LRP1B: variants seen among roughly 807,000 people sequenced by gnomAD.
The protein encoded by LRP1B is LDL receptor related protein 1B, also known as low-density lipoprotein receptor-related protein 1B.
LRP1B carries 217 observed loss-of-function variants against 556.6 expected under a neutral mutation model. The ratio of observed to expected loss-of-function variants is 0.39; its 90% CI spans 0.35 to 0.44. The LOEUF (loss-of-function observed/expected upper bound fraction) is 0.44. Ranked by LOEUF, LRP1B falls within the 20% of genes least tolerant of loss-of-function variation. The probability of loss-of-function intolerance (pLI) is 1.00; values close to 1 mark genes in which losing one functional copy is unlikely to be tolerated. For synonymous variants in LRP1B, 2,047 were observed against 1,865.8 expected (o/e 1.10, Z -2.50); for missense variants, 5,053 against 5,620.8 (o/e 0.90, Z 3.23).
Position 140,940,040 on chromosome 2 carries a change from T to C in LRP1B, c.3136+10195A>G, listed in dbSNP as rs1573902800. 2.6e-5 allele frequency among the ~76,000 whole-genome samples: 4 copies of C among 151,902 alleles called. 1 individual carries two copies. The highest frequency in any genetic ancestry group is 2.6e-4 in the Admixed American group (4 of 15,232). ...AGCTGAGACTACAGCTGTGCCACCA[T>C]AGCTAGCTAATTTTTGTATTTTTTG... is the stretch of plus-strand genomic sequence containing the variant. On this transcript the variant is annotated intron_variant, in intron 20 of 90. Coordinates refer to ENST00000389484, the MANE Select transcript of LRP1B (RefSeq NM_018557.3).
chr2:142,059,482 G>A (rs533296089), intron 1 of LRP1B, among the ~76,000 whole-genome samples: 53 of 152,072 alleles, frequency 3.5e-4, no homozygotes, highest in Admixed American at 9.2e-4. Flanking sequence ...TAGATGGTAC[G>A]GAGGGAATCT....
At chr2:140,817,169 T>G (rs1406722683) in intron 31 of LRP1B, among the ~76,000 whole-genome samples, 2 of 152,106 alleles carry the variant, frequency 1.3e-5, no homozygotes, top group African/African-American at 4.8e-5. Flanking sequence ...TGACTTAAAT[T>G]TGAAAATCTT....
At position 140,488,407 on chromosome 2, in the gene LRP1B, A is replaced by T. The variant is rs574148384; in HGVS notation, c.9121-668T>A. Among the ~76,000 whole-genome samples, 4 of 152,086 alleles carry T rather than the reference A, an allele frequency of 2.6e-5. No homozygotes were observed. In the East Asian group the frequency reaches 7.7e-4, roughly 29 times the overall value. On this transcript the variant is annotated intron_variant, in intron 57 of 90. Transcript: ENST00000389484. Reference sequence around the variant, plus strand: ...ATTCCACATGGTGGAAATGTGAGGAAATGCCTCCCTTCAGACTCATGGTTA... The same window carrying T: ...ATTCCACATGGTGGAAATGTGAGGATATGCCTCCCTTCAGACTCATGGTTA...
chr2:140,639,498 C>G (rs1412710300), intron 41 of LRP1B, among the ~76,000 whole-genome samples: 1 of 152,154 alleles, frequency 6.6e-6, no homozygotes, highest in Non-Finnish European at 1.5e-5. Context: ...ATGTCACTGA[C>G]AGTTGATGAG....
intron 3 of LRP1B, among the ~76,000 whole-genome samples, chr2:141,468,143 AT>A (rs571373313): frequency 1.6e-4 from 25 of 152,296 alleles, no homozygotes; most frequent in African/African-American, 6.0e-4. Flanking sequence ...GTTAGGCAAC[AT>A]TAGAATTTTA....
At chr2:141,298,967 A>AC (rs949196673) in intron 3 of LRP1B, among the ~76,000 whole-genome samples, 1 of 151,566 alleles carries the variant, frequency 6.6e-6, no homozygotes, top group Admixed American at 6.6e-5. Flanking sequence ...AAAAAAAAAA[A>AC]AAAAACCCAC....
At chr2:140,796,794 T>C (rs375467988) in intron 32 of LRP1B, among the ~76,000 whole-genome samples, 1 of 152,088 alleles carries the variant, frequency 6.6e-6, no homozygotes, top group Non-Finnish European at 1.5e-5. Flanking sequence ...ATAACCTGGA[T>C]TGTATATATC....
In LRP1B at chr2:141,644,040, G is replaced by A. The variant is rs933327409; in HGVS notation, c.206-163507C>T. ...TGTGTGTGTGTGTGTGTGTGTGTGT[G>A]TGTGTGTGTGTATGTGAGTAAAATC... On this transcript the variant is annotated intron_variant, in intron 2 of 90. Transcript: ENST00000389484. 2.6e-5 allele frequency among the ~76,000 whole-genome samples: 4 copies of A among 151,106 alleles called. No homozygotes were observed. In the East Asian group the frequency reaches 5.8e-4, roughly 22 times the overall value.
rs759455625 is a variant in LRP1B at position 140,324,058 on chromosome 2, G to A, written c.12349C>T (p.His4117Tyr). The A allele has an allele frequency of 3.1e-6, 5 of 1,599,210 alleles. No homozygotes were observed. The South Asian group carries it at 4.5e-5, about 14-fold the overall frequency. Residue 4117 changes from histidine (H) to tyrosine (Y), a missense_variant, in exon 81 of 91, where the codon CAT (histidine) becomes TAT (tyrosine). His to Tyr is a moderately conservative substitution (Grantham distance 83, BLOSUM62 2). This residue lies in a region of LRP1B where 551 missense variants were observed against 592.0 expected (regional missense o/e 0.93). Coordinates refer to ENST00000389484, the MANE Select transcript of LRP1B (RefSeq NM_018557.3). The part of the protein sequence containing the change: ...VSVSSKQGLL[H>Y]PHRIDIFEDY... Reference sequence around the variant, plus strand: ...TCAAAGATATCGATCCTATGTGGATGTAATAAACCTGGAATTTTAAAAAGG... The same window carrying A: ...TCAAAGATATCGATCCTATGTGGATATAATAAACCTGGAATTTTAAAAAGG...
chr2:141,140,145 C>T (rs1293526621), intron 7 of LRP1B, among the ~76,000 whole-genome samples: 1 of 151,936 alleles, frequency 6.6e-6, no homozygotes, highest in African/African-American at 2.4e-5. Flanking sequence ...CCAAATTAAT[C>T]TGTAGTAACA....
At chr2:141,652,561 A>T (rs924988044) in intron 2 of LRP1B, among the ~76,000 whole-genome samples, 2 of 152,222 alleles carry the variant, frequency 1.3e-5, no homozygotes, top group African/African-American at 4.8e-5. Context: ...CAGAGCCTGC[A>T]GAGTGTAGAG....
At chr2:142,121,791 G>A (rs144887665) in intron 1 of LRP1B, among the ~76,000 whole-genome samples, 19 of 151,996 alleles carry the variant, frequency 1.3e-4, no homozygotes, top group Admixed American at 9.2e-4. Flanking sequence ...TTCCAACCAC[G>A]TAAAATAGTG....
At chr2:141,851,170 T>C (rs1697842944) in intron 1 of LRP1B, among the ~76,000 whole-genome samples, 1 of 151,828 alleles carries the variant, frequency 6.6e-6, no homozygotes, top group Non-Finnish European at 1.5e-5. Context: ...GTATATTCAT[T>C]TGGCAAATGT....
intron 41 of LRP1B, among the ~76,000 whole-genome samples, chr2:140,657,392 C>A (rs1226570542): frequency 1.3e-5 from 2 of 151,488 alleles, no homozygotes; most frequent in Admixed American, 1.3e-4. Flanking sequence ...TATCCTAAGA[C>A]CAGAGTAAAT....
At chr2:141,683,485 C>G (rs187751210) in intron 2 of LRP1B, among the ~76,000 whole-genome samples, 1 of 151,986 alleles carries the variant, frequency 6.6e-6, no homozygotes, top group South Asian at 2.1e-4. Flanking sequence ...GATAATGGAC[C>G]CTTGTTACAC....
chr2:141,460,281 A>G lies in LRP1B; in HGVS notation c.343+20115T>C, dbSNP rs140676494. ...TTCTTATTACAATCATTCTCAATGA[A>G]TCCAACATTCATAACAACACTCTTT... On this transcript the variant is annotated intron_variant, in intron 3 of 90. Transcript: ENST00000389484. Among the ~76,000 whole-genome samples the G allele has an allele frequency of 1.6e-3, 238 of 152,320 alleles. 2 individuals carry two copies. The highest frequency in any genetic ancestry group is 5.6e-3 in the African/African-American group (234 of 41,568).
In LRP1B at chr2:141,232,246, T is replaced by C. The variant is rs142751869; in HGVS notation, c.593-2806A>G. Among the ~76,000 whole-genome samples the C allele has an allele frequency of 3.7e-4, 56 of 152,320 alleles. 1 individual carries two copies. Among genetic ancestry groups the C allele is most frequent in the African/African-American group, 9.4e-4 (39 of 41,564 alleles). ...GGCACTCTTGAAACCTGTTGGATCA[T>C]AGATTTCTCAGGTGATAGTAAAATC... On this transcript the variant is annotated intron_variant, in intron 5 of 90. Transcript: ENST00000389484.
intron 35 of LRP1B, among the ~76,000 whole-genome samples, chr2:140,748,121 AT>A (rs70988421): frequency 0.13 from 16,327 of 125,562 alleles, 1,512 homozygotes; most frequent in East Asian, 0.27. Context: ...ATATATATAT[AT>A]ATATATATAT....
At chr2:141,819,527 T>C (rs997550069) in intron 1 of LRP1B, among the ~76,000 whole-genome samples, 1 of 152,134 alleles carries the variant, frequency 6.6e-6, no homozygotes, top group Admixed American at 6.5e-5. Flanking sequence ...TTCTCATTCA[T>C]ATGTGGAAGC....
Sources: allele counts gnomAD v4.1 joint callset (sites outside exome capture counted in the v4.1 genomes callset), GRCh38; gene constraint gnomAD v4.1.1; regional missense constraint gnomAD v4.1.1; transcripts MANE v1.5; gene names NCBI Gene and HGNC (gene_info 2026-07-23, HGNC 2026-07-21).